LRP1B: variants seen among roughly 807,000 people sequenced by gnomAD.
LRP1B encodes LDL receptor related protein 1B, also known as low-density lipoprotein receptor-related protein 1B.
A neutral mutation model predicts 556.6 loss-of-function variants in LRP1B; 217 were observed. The ratio of observed to expected loss-of-function variants is 0.39; its 90% CI spans 0.35 to 0.44. LRP1B has a LOEUF of 0.44. LRP1B is among the 20% of genes least tolerant of loss of function. The pLI is 1.00. For synonymous variants in LRP1B, 2,047 were observed against 1,865.8 expected (o/e 1.10, Z -2.50); for missense variants, 5,053 against 5,620.8 (o/e 0.90, Z 3.23).
chr2:140,340,734 T>C (rs950195593), intron 77 of LRP1B, among the ~76,000 whole-genome samples: 1 of 151,508 alleles, frequency 6.6e-6, no homozygotes, highest in Non-Finnish European at 1.5e-5. Context: ...AGTTTTGTTT[T>C]TTTTCTTGAA....
intron 27 of LRP1B, among the ~76,000 whole-genome samples, chr2:140,863,628 T>G (rs1692863524): frequency 6.6e-6 from 1 of 152,184 alleles, no homozygotes; most frequent in African/African-American, 2.4e-5. Context: ...TGCTTCGATC[T>G]GCAAATGTGA....
intron 60 of LRP1B, among the ~76,000 whole-genome samples, chr2:140,473,804 T>A (rs1441948671): frequency 6.6e-6 from 1 of 151,898 alleles, no homozygotes; most frequent in Non-Finnish European, 1.5e-5. Flanking sequence ...GGTTTATAGT[T>A]ACATAGGAAA....
rs752150869 is a variant in LRP1B at position 140,923,062 on chromosome 2, A to G, written c.3222T>C (p.Asp1074=). 12 of 1,613,100 alleles carry G rather than the reference A, an allele frequency of 7.4e-6. No homozygotes were observed. The highest frequency in any genetic ancestry group is 1.0e-5 in the Non-Finnish European group (12 of 1,179,460). ...GNCVPDLWRC[D]GEKDCEDGSD... ...TACCATCTTCACAGTCTTTTTCTCC[A>G]TCACAGCGCCACAAATCAGGAACGC... The change falls in exon 21 of 91, where the codon GAT becomes GAC. Residue 1074 remains aspartate (D), a synonymous_variant. Coordinates refer to ENST00000389484, the MANE Select transcript of LRP1B (RefSeq NM_018557.3).
At chr2:141,941,733 T>A (rs1360189181) in intron 1 of LRP1B, among the ~76,000 whole-genome samples, 1 of 152,190 alleles carries the variant, frequency 6.6e-6, no homozygotes, top group Non-Finnish European at 1.5e-5. Context: ...TAGATGATTC[T>A]GGTTTTTATT....
At chr2:140,330,284 C>T (rs1372195007) in intron 79 of LRP1B, among the ~76,000 whole-genome samples, 1 of 150,830 alleles carries the variant, frequency 6.6e-6, no homozygotes, top group Non-Finnish European at 1.5e-5. Context: ...TAATCCTAAG[C>T]AGAAAGAACA....
At chr2:140,259,826 G>A (rs1392972307) in intron 86 of LRP1B, among the ~76,000 whole-genome samples, 1 of 151,640 alleles carries the variant, frequency 6.6e-6, no homozygotes, top group African/African-American at 2.4e-5. Context: ...AATGTTTCAT[G>A]TCCAAAGGCC....
At chr2:140,976,249 C>T (rs951135258) in intron 18 of LRP1B, among the ~76,000 whole-genome samples, 1 of 151,812 alleles carries the variant, frequency 6.6e-6, no homozygotes, top group Admixed American at 6.6e-5. Flanking sequence ...CTTCTCTCTT[C>T]TCCTCTCCTG....
intron 23 of LRP1B, among the ~76,000 whole-genome samples, chr2:140,891,944 T>C (rs1693811311): frequency 6.6e-6 from 1 of 152,140 alleles, no homozygotes; most frequent in African/African-American, 2.4e-5. Context: ...TCACCAATTC[T>C]TTTCATTAAC....
At chr2:141,995,854 T>C (rs1004103830) in intron 1 of LRP1B, among the ~76,000 whole-genome samples, 2 of 152,208 alleles carry the variant, frequency 1.3e-5, no homozygotes, top group Non-Finnish European at 2.9e-5. Context: ...TGAAATTTTC[T>C]GTTGGGGAAA....
intron 1 of LRP1B, among the ~76,000 whole-genome samples, chr2:141,966,470 C>T (rs1701569359): frequency 6.6e-6 from 1 of 151,902 alleles, no homozygotes; most frequent in South Asian, 2.1e-4. Flanking sequence ...CTAGGAGTTC[C>T]ACTTGCTGAG....
chr2:141,463,319 T>C (rs1307166723), intron 3 of LRP1B, among the ~76,000 whole-genome samples: 1 of 151,826 alleles, frequency 6.6e-6, no homozygotes. Context: ...ATTGGAAATA[T>C]TTATGTTTGC....
intron 81 of LRP1B, among the ~76,000 whole-genome samples, chr2:140,322,418 G>T (rs552885803): frequency 6.6e-6 from 1 of 152,180 alleles, no homozygotes; most frequent in South Asian, 2.1e-4. Flanking sequence ...CATTGGGACT[G>T]TGTTGGAAAC....
At chr2:140,882,896 C>A (rs545548796) in intron 25 of LRP1B, among the ~76,000 whole-genome samples, 24 of 152,268 alleles carry the variant, frequency 1.6e-4, no homozygotes, top group African/African-American at 5.5e-4. Context: ...AAGGTACAAA[C>A]CTCCTAAAGA....
intron 14 of LRP1B, among the ~76,000 whole-genome samples, chr2:141,006,893 T>C (rs906140126): frequency 2.0e-5 from 3 of 151,918 alleles, no homozygotes; most frequent in Admixed American, 6.6e-5. Flanking sequence ...ACCATCACCA[T>C]ACATGCAGTC....
At chr2:140,632,805 G>A (rs1683934692) in intron 41 of LRP1B, among the ~76,000 whole-genome samples, 1 of 152,182 alleles carries the variant, frequency 6.6e-6, no homozygotes, top group African/African-American at 2.4e-5. Context: ...GCTCATGCCT[G>A]TAATCCCAGC....
In LRP1B at chr2:140,442,575, T is replaced by A; in HGVS notation, c.10343A>T (p.His3448Leu). The change falls in exon 66 of 91, where the codon CAT (histidine) becomes CTT (leucine). Residue 3448 changes from histidine to leucine, a missense_variant. His to Leu is a moderately conservative substitution (Grantham distance 99). This residue lies in a region of LRP1B where 262 missense variants were observed against 395.1 expected (regional missense o/e 0.66). Coordinates refer to ENST00000389484, the MANE Select transcript of LRP1B (RefSeq NM_018557.3). ...ACAAACCCACAGCTTGGAAATGCAA[T>A]GCTTCGTAGTCTTACACTGGAAATA... The part of the protein sequence containing the change: ...PDYFQCKTTK[H>L]CISKLWVCDE... 1 of 1,614,006 alleles carries A rather than the reference T, an allele frequency of 6.2e-7. No homozygotes were observed. The highest frequency in any genetic ancestry group is 8.5e-7 in the Non-Finnish European group (1 of 1,179,914).
intron 43 of LRP1B, among the ~76,000 whole-genome samples, chr2:140,543,534 C>T (rs924229159): frequency 5.3e-5 from 8 of 151,868 alleles, no homozygotes; most frequent in Admixed American, 4.6e-4. Context: ...TGCAGAAAAA[C>T]CATTTGATAA....
chr2:141,749,481 A>G (rs1694029396), intron 2 of LRP1B, among the ~76,000 whole-genome samples: 1 of 152,192 alleles, frequency 6.6e-6, no homozygotes, highest in Admixed American at 6.6e-5. Flanking sequence ...GTAGGTAAAT[A>G]ACTATAGGTC....
chr2:141,677,761 T>C (rs973639190), intron 2 of LRP1B, among the ~76,000 whole-genome samples: 1 of 152,212 alleles, frequency 6.6e-6, no homozygotes, highest in Admixed American at 6.5e-5. Context: ...AGTGCTGGCA[T>C]TACAGGCATG....
Sources: gnomAD v4.1 joint callset for allele counts (sites outside exome capture counted in the v4.1 genomes callset) on GRCh38, gnomAD v4.1.1 for gene constraint, gnomAD v4.1.1 regional missense constraint, MANE v1.5 for transcripts, NCBI Gene and HGNC (gene_info 2026-07-23, HGNC 2026-07-21) for gene names.